KCNH8: variants seen among roughly 807,000 people sequenced by gnomAD.
KCNH8 encodes potassium voltage-gated channel subfamily H member 8.
Under a neutral mutation model 103.6 loss-of-function variants are expected in KCNH8, and 70 were observed. The ratio of observed to expected loss-of-function variants is 0.68; its 90% CI spans 0.56 to 0.82. The LOEUF is 0.82. Ranked by LOEUF, KCNH8 falls within the 40% of genes least tolerant of loss-of-function variation. The pLI, the probability that KCNH8 is intolerant of heterozygous loss-of-function variation, is 0.00. For synonymous variants in KCNH8, 498 were observed against 489.4 expected, an observed-to-expected ratio of 1.02 and a Z score of -0.23; for missense variants, 1,217 against 1,329.9, an observed-to-expected ratio of 0.92 and a Z score of 1.32.
chr3:19,292,644 C>G (rs768146157), intron 3 of KCNH8, among the ~76,000 whole-genome samples: 1 of 152,156 alleles, frequency 6.6e-6, no homozygotes, highest in African/African-American at 2.4e-5. Flanking sequence ...GGAACAGTGG[C>G]TCTGTAATAC....
rs1006518673 is a variant in KCNH8 at position 19,515,269 on chromosome 3, T to C, written c.2436-53T>C. 3.1e-6 allele frequency: 3 copies of C among 958,214 alleles called. No individual in the cohort carries two copies. In the South Asian group the frequency reaches 4.5e-5, roughly 15 times the overall value. The allele number at this position is 958,214 out of a possible 1,614,324, so 59.4% of individuals were successfully genotyped here. ...ATATCTTTTAACTCTTTAAAAATAC[T>C]GGAATCCATGAATATGAATCCACAG... On this transcript the variant is annotated intron_variant, in intron 13 of 15. Coordinates refer to ENST00000328405, the MANE Select transcript of KCNH8 (RefSeq NM_144633.3).
intron 1 of KCNH8, among the ~76,000 whole-genome samples, chr3:19,231,801 T>C (rs2125238428): frequency 6.6e-6 from 1 of 152,368 alleles, no homozygotes. Flanking sequence ...ATTCTGTGAA[T>C]GCTACTCACT....
At chr3:19,379,955 G>T (rs2066266744) in intron 5 of KCNH8, among the ~76,000 whole-genome samples, 1 of 152,112 alleles carries the variant, frequency 6.6e-6, no homozygotes, top group African/African-American at 2.4e-5. Context: ...TTATTTTGAG[G>T]ATAAGACCTT....
At position 19,289,898 on chromosome 3, in the gene KCNH8, T is replaced by C. The variant is rs972798314; in HGVS notation, c.442+8569T>C. 3.8e-3 allele frequency among the ~76,000 whole-genome samples: 582 copies of C among 152,346 alleles called. 7 individuals are homozygous for C. Among genetic ancestry groups the C allele is most frequent in the African/African-American group, 0.013 (524 of 41,578 alleles). Reference sequence around the variant, plus strand: ...CATGAGCATGGAATATTCTTCCATTTGTTTGTATCCTCTTTTATTTCATTG... The same window carrying C: ...CATGAGCATGGAATATTCTTCCATTCGTTTGTATCCTCTTTTATTTCATTG... On this transcript the variant is annotated intron_variant, in intron 3 of 15. Transcript: ENST00000328405.
intron 1 of KCNH8, among the ~76,000 whole-genome samples, chr3:19,248,832 A>G (rs1301371886): frequency 1.3e-5 from 2 of 152,166 alleles, no homozygotes; most frequent in Non-Finnish European, 2.9e-5. Flanking sequence ...AGAAGTTAAC[A>G]ATAAACAGTA....
At chr3:19,264,285 T>C (rs1035647309) in intron 2 of KCNH8, among the ~76,000 whole-genome samples, 1 of 152,118 alleles carries the variant, frequency 6.6e-6, no homozygotes, top group Non-Finnish European at 1.5e-5. Flanking sequence ...ACATGCAGCC[T>C]GTATGGAGAG....
rs1278050048 is a variant in KCNH8 at position 19,438,177 on chromosome 3, G to A, written c.1191G>A (p.Glu397=). The stretch of plus-strand genomic sequence containing the variant: ...CCTCCTTTGCAGGTTGGCTTCATGA[G>A]TTGGGAAAGAGACTGGAATCTCCAT... The part of the protein sequence containing the change: ...LLKWEVGWLH[E]LGKRLESPYY... The change falls in exon 8 of 16, where the codon GAG becomes GAA. Residue 397 remains glutamate, a synonymous_variant. Transcript: ENST00000328405. 1 of 1,613,996 alleles carries A rather than the reference G, an allele frequency of 6.2e-7. No individual in the cohort carries two copies. The highest frequency in any genetic ancestry group is 2.2e-5 in the East Asian group (1 of 44,868).
chr3:19,259,677 C>T (rs1474513463), intron 2 of KCNH8, among the ~76,000 whole-genome samples: 1 of 151,342 alleles, frequency 6.6e-6, no homozygotes, highest in Non-Finnish European at 1.5e-5. Context: ...CCAAAAAGCC[C>T]AATTCTTTTT....
At chr3:19,328,452 C>T (rs1050929458) in intron 3 of KCNH8, among the ~76,000 whole-genome samples, 1 of 152,084 alleles carries the variant, frequency 6.6e-6, no homozygotes, top group Non-Finnish European at 1.5e-5. Context: ...TCCCCCACTA[C>T]ACATTTTAAA....
At chr3:19,529,995 T>TC (rs779032466) in intron 15 of KCNH8, among the ~76,000 whole-genome samples, 5 of 152,202 alleles carry the variant, frequency 3.3e-5, no homozygotes, top group Non-Finnish European at 7.3e-5. Context: ...CTGTCAAGAC[T>TC]CTGGATTCCC....
intron 1 of KCNH8, among the ~76,000 whole-genome samples, chr3:19,245,150 G>T (rs1362844722): frequency 1.3e-5 from 2 of 152,052 alleles, no homozygotes; most frequent in Admixed American, 6.6e-5. Context: ...GACTGGTAGG[G>T]GTACAATTTC....
chr3:19,445,051 G>GTATA (rs1456994867), intron 8 of KCNH8, among the ~76,000 whole-genome samples: 1 of 151,816 alleles, frequency 6.6e-6, no homozygotes, highest in African/African-American at 2.4e-5. Flanking sequence ...AAGCATTTTT[G>GTATA]TAAGAATCTC....
At chr3:19,362,824 A>G (rs1158635888) in intron 5 of KCNH8, among the ~76,000 whole-genome samples, 1 of 151,734 alleles carries the variant, frequency 6.6e-6, no homozygotes, top group African/African-American at 2.4e-5. Flanking sequence ...ACGCCTGGCT[A>G]ATTTTGTTGT....
intron 1 of KCNH8, among the ~76,000 whole-genome samples, chr3:19,191,443 T>G (rs567576949): frequency 4.1e-4 from 63 of 151,990 alleles, no homozygotes; most frequent in African/African-American, 1.5e-3. Context: ...ACACAGTAAT[T>G]GTGTAATTAG....
intron 3 of KCNH8, among the ~76,000 whole-genome samples, chr3:19,337,624 T>C (rs1484068006): frequency 1.3e-5 from 2 of 152,014 alleles, no homozygotes; most frequent in Non-Finnish European, 2.9e-5. Flanking sequence ...AATTTCATAA[T>C]CAACTAAGTG....
intron 11 of KCNH8, among the ~76,000 whole-genome samples, chr3:19,486,557 A>G (rs1371171874): frequency 6.6e-6 from 1 of 152,160 alleles, no homozygotes; most frequent in Non-Finnish European, 1.5e-5. Context: ...CCAGGGCCCC[A>G]CAGTCGGTTA....
chr3:19,197,644 G>A (rs2063615186), intron 1 of KCNH8, among the ~76,000 whole-genome samples: 1 of 151,836 alleles, frequency 6.6e-6, no homozygotes, highest in African/African-American at 2.4e-5. Flanking sequence ...CCTTGGGCAA[G>A]TTATCTAAAT....
At chr3:19,281,928 A>G (rs2064762028) in intron 3 of KCNH8, among the ~76,000 whole-genome samples, 1 of 152,086 alleles carries the variant, frequency 6.6e-6, no homozygotes, top group South Asian at 2.1e-4. Context: ...GTTATAATTT[A>G]TTAAGAAATT....
intron 1 of KCNH8, among the ~76,000 whole-genome samples, chr3:19,198,636 G>A (rs546319033): frequency 1.1e-4 from 17 of 151,966 alleles, no homozygotes; most frequent in Admixed American, 2.0e-4. Context: ...TGCACGGACA[G>A]AATTAATATG....
Sources: allele counts gnomAD v4.1 joint callset (sites outside exome capture counted in the v4.1 genomes callset), GRCh38; gene constraint gnomAD v4.1.1; transcripts MANE v1.5; gene names NCBI Gene and HGNC (gene_info 2026-07-23, HGNC 2026-07-21).